The following ZIM2 variants were observed in gnomAD, a reference collection of about 807,000 sequenced individuals.
ZIM2 encodes the protein zinc finger protein 656.
A neutral mutation model predicts 38.6 loss-of-function variants in ZIM2; 14 were observed. The observed-to-expected ratio is 0.36, with a 90% CI of 0.24 to 0.57. The LOEUF is 0.57. Ranked by LOEUF, ZIM2 falls within the 20% of genes least tolerant of loss-of-function variation. ZIM2 has a pLI of 0.81. For missense variants in ZIM2, 680 were observed against 695.1 expected (o/e 0.98, Z 0.24); for synonymous variants, 247 against 245.8 (o/e 1.00, Z -0.04).
chr19:56,814,104 T>G lies in ZIM2; in HGVS notation c.490+3642A>C, dbSNP rs773231971. 2.1e-5 allele frequency: 34 copies of G among 1,614,056 alleles called. No homozygotes were observed. The highest frequency in any genetic ancestry group is 2.8e-5 in the Non-Finnish European group (33 of 1,180,038). ...CATCTGGCTCATCAGCATCCCCATT[T>G]GGCTGCTCGGCCTCTCCATTTGGCT... On this transcript the variant is annotated intron_variant, in intron 9 of 12. Transcript: ENST00000629319. This position sits in a 1 kb window ranked among gnomAD's most constrained non-coding sequence, Gnocchi z 5.8.
In ZIM2 at chr19:56,775,115, C is replaced by A; in HGVS notation, c.1250G>T (p.Cys417Phe). The A allele has an allele frequency of 5.0e-6, 8 of 1,614,158 alleles. No homozygotes were observed. Among genetic ancestry groups the A allele is most frequent in the Non-Finnish European group, 5.9e-6 (7 of 1,180,040 alleles). Reference sequence around the variant, plus strand: ...GACGGAAGGCTTTCTACCTTCATTGCAGCCAGAAGTCTTCCTACCAGAATG... The same window carrying A: ...GACGGAAGGCTTTCTACCTTCATTGAAGCCAGAAGTCTTCCTACCAGAATG... ...KTHSGRKTSG[C>F]NEGRKPSVQC... The change falls in exon 13 of 13, where the codon TGC (cysteine) becomes TTC (phenylalanine). Residue 417 changes from cysteine to phenylalanine, a missense_variant. Transcript: ENST00000629319.
At chr19:56,810,921 T>A (rs2146073159) in intron 9 of ZIM2, 3 of 965,456 alleles carry the variant, frequency 3.1e-6, no homozygotes, top group Non-Finnish European at 3.7e-6. Flanking sequence ...ATCAGGACAT[T>A]ATTATAGGGA....
Position 56,814,491 on chromosome 19 carries a change from G to A in ZIM2, c.490+3255C>T, listed in dbSNP as rs1356545028. The A allele has an allele frequency of 6.2e-7, 1 of 1,612,964 alleles. No individual in the cohort carries two copies. On this transcript the variant is annotated intron_variant, in intron 9 of 12. Coordinates refer to ENST00000629319, the MANE Select transcript of ZIM2 (RefSeq NM_001387356.1). This position sits in a 1 kb window ranked among gnomAD's most constrained non-coding sequence, Gnocchi z 5.8. ...TGAGGGGCTCAGTAAGAAATGAGGT[G>A]TGAGTATAGGAGGACCCGTACTCAT...
At chr19:56,781,440 C>T (rs901133199) in intron 11 of ZIM2, among the ~76,000 whole-genome samples, 1 of 152,210 alleles carries the variant, frequency 6.6e-6, no homozygotes, top group African/African-American at 2.4e-5. Context: ...CAGTAGAAGT[C>T]TTTGGAGCTC....
At chr19:56,820,055 A>G (rs1174853273) in intron 7 of ZIM2, among the ~76,000 whole-genome samples, 2 of 152,234 alleles carry the variant, frequency 1.3e-5, no homozygotes, top group Non-Finnish European at 2.9e-5. Flanking sequence ...GCACGCTTTG[A>G]TTGAAAATTA....
intron 7 of ZIM2, among the ~76,000 whole-genome samples, chr19:56,818,981 G>T (rs1229776507): frequency 1.3e-5 from 2 of 152,222 alleles, no homozygotes; most frequent in Non-Finnish European, 2.9e-5. Context: ...GAAACAATTA[G>T]AGAACAATAA....
In ZIM2 at chr19:56,774,831, GAT is replaced by G. The variant is rs1568557946; in HGVS notation, c.1532_1533del (p.Tyr511SerfsTer6). ...GTGTGAGTTCTATAATGCTGAATGA[GAT>G]ATGAATTCCGACTGAAGACTCTGCC... ...DCGRVFSRNS[Y>X]LIQHYRTHTQ... On this transcript the variant is annotated frameshift_variant, in exon 13 of 13. Transcript: ENST00000629319. LOFTEE classifies it low-confidence loss of function (END_TRUNC). 6.2e-7 allele frequency: 1 copy of G among 1,614,166 alleles called. No individual in the cohort carries two copies. Among genetic ancestry groups the G allele is most frequent in the East Asian group, 2.2e-5 (1 of 44,886 alleles).
chr19:56,837,669 AG>A (rs1419937780), intron 1 of ZIM2, among the ~76,000 whole-genome samples: 1 of 152,162 alleles, frequency 6.6e-6, no homozygotes, highest in Admixed American at 6.5e-5. Flanking sequence ...GCGGTCACTC[AG>A]GAAGGCTCCA....
In ZIM2 at chr19:56,774,632, ACT is replaced by A; in HGVS notation, c.*54_*55del. Reference sequence around the variant, plus strand: ...TGAAAGGCCTTCTCACACTCACAACACTCTAGGAGGAAGCCAATAATGTTGAG... The same window carrying A: ...TGAAAGGCCTTCTCACACTCACAACACTAGGAGGAAGCCAATAATGTTGAG... On this transcript the variant is annotated 3_prime_UTR_variant, in exon 13 of 13. Coordinates refer to ENST00000629319, the MANE Select transcript of ZIM2 (RefSeq NM_001387356.1). 1 of 1,564,474 alleles carries A rather than the reference ACT, an allele frequency of 6.4e-7. No homozygotes were observed. The highest frequency in any genetic ancestry group is 8.7e-7 in the Non-Finnish European group (1 of 1,153,286).
intron 9 of ZIM2, among the ~76,000 whole-genome samples, chr19:56,795,842 A>AAAAAAC (rs1293645646): frequency 4.6e-5 from 7 of 152,238 alleles, no homozygotes; most frequent in African/African-American, 1.2e-4. Context: ...CTCCACCTCA[A>AAAAAAC]AAAAACAAAA....
intron 10 of ZIM2, 121 bp from the exon 11 acceptor site, chr19:56,782,242 T>C: frequency 7.6e-7 from 1 of 1,315,520 alleles, no homozygotes; most frequent in Non-Finnish European, 1.0e-6. Flanking sequence ...GCATTGCATC[T>C]TTCTTTGTCT....
intron 2 of ZIM2, among the ~76,000 whole-genome samples, chr19:56,828,785 G>A (rs913004326): frequency 3.9e-5 from 6 of 151,968 alleles, no homozygotes; most frequent in African/African-American, 9.7e-5. Context: ...AATAAAGGCC[G>A]GTTACTTAAC....
intron 10 of ZIM2, among the ~76,000 whole-genome samples, chr19:56,783,223 A>G (rs1001307501): frequency 6.6e-6 from 1 of 152,258 alleles, no homozygotes; most frequent in Non-Finnish European, 1.5e-5. Flanking sequence ...ACAATGAAAT[A>G]GTATTCTAGC....
At position 56,811,415 on chromosome 19, in the gene ZIM2, C is replaced by T. The variant is rs982111692; in HGVS notation, c.490+6331G>A. 2.1e-5 allele frequency: 19 copies of T among 894,644 alleles called. No individual in the cohort carries two copies. The African/African-American group carries it at 3.2e-4, about 15-fold the overall frequency. The allele number at this position is 894,644 out of a possible 1,614,324, so 55.4% of individuals were successfully genotyped here. On this transcript the variant is annotated intron_variant, in intron 9 of 12. Coordinates refer to ENST00000629319, the MANE Select transcript of ZIM2 (RefSeq NM_001387356.1). The stretch of plus-strand genomic sequence containing the variant: ...TGTCCTGCTTTCTCCACTTAATGTT[C>T]TGTAAATATATTTCCACGTTGCTAC...
chr19:56,815,379 T>C lies in ZIM2; in HGVS notation c.490+2367A>G. 3.1e-6 allele frequency: 5 copies of C among 1,614,244 alleles called. 1 individual carries two copies. The South Asian group carries it at 5.5e-5, about 18-fold the overall frequency. On this transcript the variant is annotated intron_variant, in intron 9 of 12. Transcript: ENST00000629319. ...GCGCTTGCTCTTTAGCATACTGCTC[T>C]TGGGCGTAACTTGTTTGAGGGTCAG...
At chr19:56,822,617 G>T in intron 6 of ZIM2, 136 bp downstream of exon 6, 1 of 1,232,796 alleles carries the variant, frequency 8.1e-7, no homozygotes, top group Non-Finnish European at 1.1e-6. Flanking sequence ...ACGAGCCTTG[G>T]ACTAAACTTT....
chr19:56,805,257 G>A (rs1295735201), intron 9 of ZIM2, among the ~76,000 whole-genome samples: 1 of 152,136 alleles, frequency 6.6e-6, no homozygotes, highest in Non-Finnish European at 1.5e-5. Flanking sequence ...GTCCCCTGGA[G>A]GGCAAATCGT....
chr19:56,823,533 A>C, intron 5 of ZIM2, 57 bp downstream of exon 5: 1 of 1,608,236 alleles, frequency 6.2e-7, no homozygotes, highest in Non-Finnish European at 8.5e-7. Context: ...CTGTGTCTCC[A>C]TCTGGAAGCA....
In ZIM2 at chr19:56,817,808, G is replaced by A; in HGVS notation, c.428C>T (p.Ser143Phe). Residue 143 changes from serine to phenylalanine, a missense_variant, in exon 9 of 13, where the codon TCC becomes TTC. Transcript: ENST00000629319. Reference sequence around the variant, plus strand: ...TGATGAGTGGCCCTGCGTCATGTGGGAGTGGCCATCGTCTTCAGCAAGCTG... The same window carrying A: ...TGATGAGTGGCCCTGCGTCATGTGGAAGTGGCCATCGTCTTCAGCAAGCTG... ...GVQLAEDDGH[S>F]HMTQGHSSRS... 1.2e-6 allele frequency: 2 copies of A among 1,614,126 alleles called. No homozygotes were observed. Among genetic ancestry groups the A allele is most frequent in the Non-Finnish European group, 1.7e-6 (2 of 1,180,032 alleles).
Sources: gnomAD v4.1 joint callset for allele counts (sites outside exome capture counted in the v4.1 genomes callset) on GRCh38, gnomAD v4.1.1 for gene constraint, Gnocchi (gnomAD v3.1) non-coding constraint, MANE v1.5 for transcripts, NCBI Gene and HGNC (gene_info 2026-07-23, HGNC 2026-07-21) for gene names.